Variants in GMDS observed in about 807,000 individuals in gnomAD.
GMDS encodes GDP-mannose 4,6-dehydratase, also known as GDP-mannose 4,6 dehydratase.
In GMDS, 20 loss-of-function variants were observed where a neutral mutation model predicts 49.9. The ratio of observed to expected loss-of-function variants is 0.40; its 90% CI spans 0.28 to 0.58. GMDS has a LOEUF of 0.58. GMDS is among the 20% of genes least tolerant of loss of function. The pLI is 0.42. For synonymous variants in GMDS, 177 were observed against 178.6 expected (o/e 0.99, Z 0.07); for missense variants, 362 against 481.4 (o/e 0.75, Z 2.32).
chr6:1,947,555 T>C (rs1763134124), intron 6 of GMDS, among the ~76,000 whole-genome samples: 2 of 152,300 alleles, frequency 1.3e-5, no homozygotes, highest in South Asian at 2.1e-4. Context: ...ACTTCCTTAC[T>C]TGCATACCCT....
intron 9 of GMDS, among the ~76,000 whole-genome samples, chr6:1,668,606 A>G (rs1191868712): frequency 6.6e-6 from 1 of 152,088 alleles, no homozygotes; most frequent in Admixed American, 6.6e-5. Flanking sequence ...GCTACTTGGG[A>G]GGCTGAGGCA....
chr6:2,203,432 T>C (rs17134784), intron 1 of GMDS, among the ~76,000 whole-genome samples: 4,570 of 152,240 alleles, frequency 0.03, 216 homozygotes, highest in African/African-American at 0.1. Context: ...CTGAGAGTCT[T>C]GTATTAGCAG....
chr6:1,743,416 G>A (rs5017132), intron 7 of GMDS, among the ~76,000 whole-genome samples: 60,582 of 145,862 alleles, frequency 0.42, 13,285 homozygotes, highest in East Asian at 0.64. Context: ...GGTGGGGGGC[G>A]CCTGTAGTCC....
At chr6:1,862,943 T>C (rs910293413) in intron 7 of GMDS, among the ~76,000 whole-genome samples, 1 of 152,174 alleles carries the variant, frequency 6.6e-6, no homozygotes, top group African/African-American at 2.4e-5. Context: ...ATCCCAAAAA[T>C]TGGATAAGTT....
Position 2,065,320 on chromosome 6 carries a change from G to A in GMDS, c.345+50451C>T, listed in dbSNP as rs138944118. ...AAAGTAGATAAAACCACAAAGACGG[G>A]GAAAAAACACAGCAGAAAAACTGGA... On this transcript the variant is annotated intron_variant, in intron 4 of 10. Coordinates refer to ENST00000380815, the MANE Select transcript of GMDS (RefSeq NM_001500.4). 2.7e-3 allele frequency among the ~76,000 whole-genome samples: 404 copies of A among 152,204 alleles called. 1 individual carries two copies. The highest frequency in any genetic ancestry group is 5.0e-3 in the South Asian group (24 of 4,812).
intron 1 of GMDS, among the ~76,000 whole-genome samples, chr6:2,231,564 C>CA (rs557899250): frequency 1.3e-4 from 19 of 149,298 alleles, no homozygotes; most frequent in South Asian, 4.2e-4. Context: ...ACCTTGTCTC[C>CA]AAAAAAAAAG....
At chr6:2,037,988 T>C (rs1252764604) in intron 4 of GMDS, among the ~76,000 whole-genome samples, 2 of 151,350 alleles carry the variant, frequency 1.3e-5, no homozygotes, top group African/African-American at 4.9e-5. Flanking sequence ...CCTGCCACAA[T>C]ATCTCCAGTT....
intron 9 of GMDS, among the ~76,000 whole-genome samples, chr6:1,643,343 G>A (rs980576437): frequency 1.3e-5 from 2 of 152,146 alleles, no homozygotes; most frequent in African/African-American, 2.4e-5. Context: ...ATTTCCTTAC[G>A]CCTTCCTGAA....
intron 7 of GMDS, among the ~76,000 whole-genome samples, chr6:1,929,430 T>C (rs1581378194): frequency 6.6e-6 from 1 of 152,190 alleles, no homozygotes; most frequent in Admixed American, 6.5e-5. Flanking sequence ...CATTTGTTTA[T>C]AAAAGAAAAA....
chr6:2,201,774 A>G (rs1182554421), intron 1 of GMDS, among the ~76,000 whole-genome samples: 1 of 132,280 alleles, frequency 7.6e-6, no homozygotes, highest in African/African-American at 2.8e-5. Flanking sequence ...AGAGCACCAC[A>G]TGGGCATCCG....
chr6:1,935,718 G>A (rs960166770), intron 6 of GMDS, among the ~76,000 whole-genome samples: 3 of 152,120 alleles, frequency 2.0e-5, no homozygotes, highest in Non-Finnish European at 4.4e-5. Context: ...CCATAAGACC[G>A]AGAACAACTA....
At chr6:1,864,878 A>T (rs1400045889) in intron 7 of GMDS, among the ~76,000 whole-genome samples, 1 of 152,240 alleles carries the variant, frequency 6.6e-6, no homozygotes, top group Non-Finnish European at 1.5e-5. Context: ...CAAACTTCAT[A>T]TGATACCTTG....
chr6:2,055,909 C>A (rs1427630507), intron 4 of GMDS, among the ~76,000 whole-genome samples: 1 of 152,068 alleles, frequency 6.6e-6, no homozygotes, highest in Admixed American at 6.5e-5. Context: ...GCCCAATACT[C>A]GCTTGAAATT....
intron 4 of GMDS, among the ~76,000 whole-genome samples, chr6:2,067,825 C>A (rs1771714929): frequency 6.6e-6 from 1 of 152,286 alleles, no homozygotes; most frequent in East Asian, 1.9e-4. Context: ...CAGCCGAATT[C>A]TACCAGAGGT....
At chr6:2,130,282 T>C (rs1036483514) in intron 1 of GMDS, among the ~76,000 whole-genome samples, 1 of 152,142 alleles carries the variant, frequency 6.6e-6, no homozygotes, top group Admixed American at 6.5e-5. Context: ...ATAACTCCCA[T>C]CTCCTATAGT....
rs187810067 is a variant in GMDS, at chr6:2,030,635, C to G, written c.346-69669G>C. Among the ~76,000 whole-genome samples the G allele has an allele frequency of 2.0e-4, 31 of 152,202 alleles. No homozygotes were observed. The East Asian group carries it at 5.6e-3, about 28-fold the overall frequency. The stretch of plus-strand genomic sequence containing the variant: ...CACACAGAAGAATTTATAAGACTCA[C>G]TCTATAACAGTTCCTTTGGAACTAT... On this transcript the variant is annotated intron_variant, in intron 4 of 10. Coordinates refer to ENST00000380815, the MANE Select transcript of GMDS (RefSeq NM_001500.4).
At chr6:1,839,928 T>A (rs574956126) in intron 7 of GMDS, among the ~76,000 whole-genome samples, 1 of 152,314 alleles carries the variant, frequency 6.6e-6, no homozygotes, top group South Asian at 2.1e-4. Context: ...GTGAAAGGAA[T>A]ATTTTGGAAA....
intron 8 of GMDS, among the ~76,000 whole-genome samples, chr6:1,735,252 C>T (rs897192786): frequency 6.6e-6 from 1 of 152,270 alleles, no homozygotes; most frequent in Admixed American, 6.5e-5. Context: ...CCCTTCCTCC[C>T]ATCCCCACAA....
At chr6:2,061,935 T>C (rs1196870761) in intron 4 of GMDS, among the ~76,000 whole-genome samples, 2 of 152,176 alleles carry the variant, frequency 1.3e-5, no homozygotes, top group African/African-American at 2.4e-5. Flanking sequence ...CAAATGTTTT[T>C]ACAGCTTTGA....
Sources: gnomAD v4.1 joint callset for allele counts (sites outside exome capture counted in the v4.1 genomes callset) on GRCh38, gnomAD v4.1.1 for gene constraint, MANE v1.5 for transcripts, NCBI Gene and HGNC (gene_info 2026-07-23, HGNC 2026-07-21) for gene names.